Variants in CAND2 observed in about 807,000 individuals in gnomAD.
The protein encoded by CAND2 is cullin associated and neddylation dissociated 2 (putative).
A neutral mutation model predicts 98.9 loss-of-function variants in CAND2; 62 were observed. That is an observed-to-expected ratio of 0.63 (90% CI 0.51 to 0.77). The LOEUF (loss-of-function observed/expected upper bound fraction) is 0.77, where lower values mean the gene tolerates loss of function less well. Among genes scored for constraint, CAND2 ranks in the 30% least tolerant of loss-of-function variants. The probability of loss-of-function intolerance (pLI) is 0.00; values close to 1 mark genes in which losing one functional copy is unlikely to be tolerated. For synonymous variants in CAND2, 770 were observed against 731.9 expected, an observed-to-expected ratio of 1.05 and a Z score of -0.84; for missense variants, 1,501 against 1,655.2, an observed-to-expected ratio of 0.91 and a Z score of 1.62.
chr3:12,831,439 A>G (rs1457836847), intron 13 of CAND2, 26 bp from the exon 14 acceptor site: 3 of 1,595,082 alleles, frequency 1.9e-6, no homozygotes, highest in Non-Finnish European at 2.6e-6. Context: ...CCATTTCACT[A>G]AGAACCATCT....
rs540908932 is a variant in CAND2 at position 12,831,884 on chromosome 3, A to G, written c.3483+312A>G. Among the ~76,000 whole-genome samples, 5 of 152,296 alleles carry G rather than the reference A, an allele frequency of 3.3e-5. No homozygotes were observed. The East Asian group carries it at 9.6e-4, about 29-fold the overall frequency. On this transcript the variant is annotated intron_variant, in intron 14 of 14. Coordinates refer to ENST00000456430, the MANE Select transcript of CAND2 (RefSeq NM_001162499.2). ...GGTGCTGAGCCTCGTGGGAGATACT[A>G]AAGATGTAACATTGAGCCTGATAGG...
chr3:12,807,747 C>G (rs2061818890), intron 3 of CAND2, among the ~76,000 whole-genome samples: 1 of 152,182 alleles, frequency 6.6e-6, no homozygotes, highest in African/African-American at 2.4e-5. Flanking sequence ...ATCAGCCACT[C>G]CATTTTTGTA....
rs1488315571 is a variant in CAND2 at position 12,800,862 on chromosome 3, A to G, written c.69-2626A>G. ...CTCAGCCTCCCAAGTAGCTGGGACTACAGGTGTGCACCACCATACCTGGCT... is the reference window on the plus strand; with the variant it reads ...CTCAGCCTCCCAAGTAGCTGGGACTGCAGGTGTGCACCACCATACCTGGCT... On this transcript the variant is annotated intron_variant, in intron 1 of 14. Transcript: ENST00000456430. 2.0e-5 allele frequency among the ~76,000 whole-genome samples: 3 copies of G among 150,732 alleles called. No individual in the cohort carries two copies. The Admixed American group carries it at 2.0e-4, about 10-fold the overall frequency.
At chr3:12,803,423 G>A in intron 1 of CAND2, 65 bp from the exon 2 acceptor site, 2 of 1,474,508 alleles carry the variant, frequency 1.4e-6, no homozygotes, top group Non-Finnish European at 1.8e-6. Flanking sequence ...GGAACCCTGA[G>A]GTACTGCCCA....
intron 4 of CAND2, among the ~76,000 whole-genome samples, chr3:12,809,075 A>G (rs538909489): frequency 8.5e-5 from 13 of 152,182 alleles, no homozygotes; most frequent in African/African-American, 2.9e-4. Flanking sequence ...AGGGAAAGCA[A>G]TTCGGGTTGT....
chr3:12,799,582 T>C (rs1275088708), intron 1 of CAND2, among the ~76,000 whole-genome samples: 1 of 152,170 alleles, frequency 6.6e-6, no homozygotes, highest in African/African-American at 2.4e-5. Context: ...CTGTAAGTTC[T>C]GTTAAGGGCT....
At position 12,807,389 on chromosome 3, in the gene CAND2, A is replaced by G; in HGVS notation, c.296A>G (p.Lys99Arg). 1 of 1,551,784 alleles carries G rather than the reference A, an allele frequency of 6.4e-7. No homozygotes were observed. Among genetic ancestry groups the G allele is most frequent in the Non-Finnish European group, 8.7e-7 (1 of 1,146,992 alleles). The change falls in exon 3 of 15, where the codon AAG becomes AGG. Residue 99 changes from lysine to arginine, a missense_variant. Physicochemically the swap from Lys to Arg is conservative, Grantham distance 26. Coordinates refer to ENST00000456430, the MANE Select transcript of CAND2 (RefSeq NM_001162499.2). ...DTLCTNMRSD[K>R]EQLRDIAGIG... Reference sequence around the variant, plus strand: ...CTGTGCACCAACATGCGGTCAGACAAGGAGCAGCTGCGAGACATTGCCGGC... The same window carrying G: ...CTGTGCACCAACATGCGGTCAGACAGGGAGCAGCTGCGAGACATTGCCGGC...
chr3:12,816,091 C>A, intron 9 of CAND2, 83 bp downstream of exon 9: 1 of 1,406,008 alleles, frequency 7.1e-7, no homozygotes, highest in African/African-American at 1.4e-5. Context: ...GCCCCCAGTT[C>A]CTGAGACAGT....
At chr3:12,807,265 A>T in intron 2 of CAND2, 41 bp from the exon 3 acceptor site, 1 of 1,537,686 alleles carries the variant, frequency 6.5e-7, no homozygotes, top group Non-Finnish European at 8.8e-7. Context: ...ACTCAGGCTG[A>T]ACCTTGTGCC....
rs1188062749 is a variant in CAND2, at chr3:12,812,497, C to T, written c.758-493C>T. Among the ~76,000 whole-genome samples, 35 of 149,994 alleles carry T rather than the reference C, an allele frequency of 2.3e-4. 1 individual carries two copies. The highest frequency in any genetic ancestry group is 3.3e-4 in the Admixed American group (5 of 15,120). On this transcript the variant is annotated intron_variant, in intron 5 of 14. Transcript: ENST00000456430. ...TCGGCTCACTGCAAGCTCCGCTTCC[C>T]GGGTTCACGCCATTCTCCTGCCTCA...
At chr3:12,819,765 G>A (rs969269715) in intron 10 of CAND2, among the ~76,000 whole-genome samples, 10 of 152,176 alleles carry the variant, frequency 6.6e-5, no homozygotes, top group Non-Finnish European at 1.5e-4. Flanking sequence ...AGGACTCATT[G>A]AGATAACATG....
chr3:12,821,635 A>G (rs1395387031), intron 11 of CAND2, among the ~76,000 whole-genome samples: 2 of 152,136 alleles, frequency 1.3e-5, no homozygotes, highest in Non-Finnish European at 2.9e-5. Flanking sequence ...ACCACCAGCG[A>G]CCTTCACATG....
chr3:12,814,702 T>C (rs912600509), intron 7 of CAND2, among the ~76,000 whole-genome samples: 1 of 151,946 alleles, frequency 6.6e-6, no homozygotes, highest in East Asian at 1.9e-4. Flanking sequence ...ATGAGTTTTG[T>C]GCCCCAAATT....
chr3:12,818,604 C>A (rs140741737), intron 10 of CAND2, among the ~76,000 whole-genome samples: 63 of 152,326 alleles, frequency 4.1e-4, no homozygotes, highest in African/African-American at 1.3e-3. Flanking sequence ...ATGAGAGTTC[C>A]CAGAATGAAA....
In CAND2 at chr3:12,815,745, TG is replaced by T. The variant is rs1007688347; in HGVS notation, c.1300-119del. 52 of 978,634 alleles carry T rather than the reference TG, an allele frequency of 5.3e-5. No homozygotes were observed. The African/African-American group carries it at 7.8e-4, about 15-fold the overall frequency. The allele number at this position is 978,634 out of a possible 1,614,324, so 60.6% of individuals were successfully genotyped here. Reference sequence around the variant, plus strand: ...TGGCACAGAGTGAGGGACGAGTGCTTGGGAGATATCTTGATGCCGACATCCT... The same window carrying T: ...TGGCACAGAGTGAGGGACGAGTGCTTGGAGATATCTTGATGCCGACATCCT... On this transcript the variant is annotated intron_variant, in intron 8 of 14. Transcript: ENST00000456430. The surrounding 1 kb of genome is among the most constrained non-coding windows in gnomAD (Gnocchi z 5.7).
intron 5 of CAND2, among the ~76,000 whole-genome samples, chr3:12,812,215 G>GTTTTTTTTTTTTTT (rs1240438576): frequency 1.6e-5 from 1 of 61,472 alleles, no homozygotes; most frequent in Non-Finnish European, 3.5e-5. Context: ...GGCCTAAGCT[G>GTTTTTTTTTTTTTT]TTTATCTTTT....
chr3:12,818,566 CAGGT>C (rs1033465257), intron 10 of CAND2, among the ~76,000 whole-genome samples: 46 of 152,358 alleles, frequency 3.0e-4, no homozygotes, highest in African/African-American at 1.1e-3. Context: ...GGAAAGCAGA[CAGGT>C]AGGGTCATCA....
intron 5 of CAND2, among the ~76,000 whole-genome samples, chr3:12,810,810 CTATT>C (rs1204696413): frequency 2.6e-5 from 4 of 152,252 alleles, no homozygotes; most frequent in Non-Finnish European, 5.9e-5. Flanking sequence ...ATAAACCGCA[CTATT>C]TAAAGTGTGC....
At chr3:12,803,400 G>A in intron 1 of CAND2, 88 bp from the exon 2 acceptor site, 1 of 1,294,028 alleles carries the variant, frequency 7.7e-7, no homozygotes, top group African/African-American at 1.5e-5. Flanking sequence ...TTGTATTAAG[G>A]TCTACTTCTA....
Sources: gnomAD v4.1 joint callset for allele counts (sites outside exome capture counted in the v4.1 genomes callset) on GRCh38, gnomAD v4.1.1 for gene constraint, Gnocchi (gnomAD v3.1) non-coding constraint, MANE v1.5 for transcripts, NCBI Gene and HGNC (gene_info 2026-07-23, HGNC 2026-07-21) for gene names.